CSMD1: variants seen among roughly 807,000 people sequenced by gnomAD.
The protein encoded by CSMD1 is CUB and Sushi multiple domains 1, also known as CUB and sushi domain-containing protein 1.
A neutral mutation model predicts 417.5 loss-of-function variants in CSMD1; 213 were observed. The observed-to-expected ratio is 0.51, with a 90% CI of 0.46 to 0.57. The LOEUF (loss-of-function observed/expected upper bound fraction) is 0.57. CSMD1 is among the 20% of genes least tolerant of loss of function. The pLI, the probability that CSMD1 is intolerant of heterozygous loss-of-function variation, is 0.00. For synonymous variants in CSMD1, 2,862 were observed against 1,736.8 expected (o/e 1.65, Z -16.11); for missense variants, 6,923 against 4,529.7 (o/e 1.53, Z -15.17).
chr8:3,941,961 C>T (rs1320110916), intron 5 of CSMD1, among the ~76,000 whole-genome samples: 1 of 152,034 alleles, frequency 6.6e-6, no homozygotes. Context: ...GTATTTACAG[C>T]CCCTCCCCAT....
rs145084015 is a variant in CSMD1 at position 4,466,977 on chromosome 8, T to C, written c.303-46912A>G. Among the ~76,000 whole-genome samples the C allele has an allele frequency of 1.7e-3, 256 of 152,128 alleles. 1 individual carries two copies. Among genetic ancestry groups the C allele is most frequent in the African/African-American group, 5.8e-3 (241 of 41,520 alleles). On this transcript the variant is annotated intron_variant, in intron 2 of 69. Coordinates refer to ENST00000635120, the MANE Select transcript of CSMD1 (RefSeq NM_033225.6). Reference sequence around the variant, plus strand: ...CTTCCTTCCCTTAGCTGTAAGGAAATGCTCAGCTGTGGGAGCTTTCTCAAC... The same window carrying C: ...CTTCCTTCCCTTAGCTGTAAGGAAACGCTCAGCTGTGGGAGCTTTCTCAAC...
chr8:3,745,059 T>C (rs944593195), intron 6 of CSMD1, among the ~76,000 whole-genome samples: 1 of 152,200 alleles, frequency 6.6e-6, no homozygotes, highest in Non-Finnish European at 1.5e-5. Context: ...TAATTCAACA[T>C]GTTAACAACC....
chr8:3,491,768 G>A (rs951382899), intron 11 of CSMD1, among the ~76,000 whole-genome samples: 1 of 152,220 alleles, frequency 6.6e-6, no homozygotes, highest in African/African-American at 2.4e-5. Context: ...CTTTTTACTA[G>A]CATGGAAATA....
intron 2 of CSMD1, among the ~76,000 whole-genome samples, chr8:4,595,650 C>T (rs1430102872): frequency 1.3e-5 from 2 of 152,094 alleles, no homozygotes; most frequent in African/African-American, 4.8e-5. Flanking sequence ...GTCTGTAGTC[C>T]CAGCTACTGG....
intron 5 of CSMD1, among the ~76,000 whole-genome samples, chr8:3,851,006 C>T (rs1803868517): frequency 6.6e-6 from 1 of 152,092 alleles, no homozygotes; most frequent in African/African-American, 2.4e-5. Context: ...AGATAAATAT[C>T]TATGTGTTTT....
At chr8:3,206,488 G>C (rs1797283161) in intron 30 of CSMD1, among the ~76,000 whole-genome samples, 1 of 126,610 alleles carries the variant, frequency 7.9e-6, no homozygotes, top group Non-Finnish European at 1.7e-5. Context: ...GCGTGTATGT[G>C]TGTGTGGGTG....
intron 22 of CSMD1, among the ~76,000 whole-genome samples, chr8:3,347,718 G>A (rs907769034): frequency 1.3e-5 from 2 of 152,172 alleles, no homozygotes; most frequent in African/African-American, 4.8e-5. Flanking sequence ...TAAGGAAGCT[G>A]AAGATCAAAA....
chr8:3,115,297 G>A (rs184502640), intron 42 of CSMD1, among the ~76,000 whole-genome samples: 13 of 145,882 alleles, frequency 8.9e-5, no homozygotes, highest in East Asian at 4.0e-4. Flanking sequence ...CGCCTTCTGC[G>A]TTCAAGTGAT....
chr8:4,053,531 T>C (rs912057452), intron 3 of CSMD1, among the ~76,000 whole-genome samples: 18 of 152,246 alleles, frequency 1.2e-4, no homozygotes, highest in African/African-American at 4.3e-4. Flanking sequence ...ACACTTTTGT[T>C]ATCTCAAGTG....
chr8:3,357,047 G>A (rs1440698556), intron 21 of CSMD1, among the ~76,000 whole-genome samples: 2 of 152,160 alleles, frequency 1.3e-5, no homozygotes, highest in East Asian at 1.9e-4. Flanking sequence ...GTGAGGTGGG[G>A]CTAGGAGGGT....
intron 9 of CSMD1, among the ~76,000 whole-genome samples, chr8:3,581,820 T>C (rs116365870): frequency 2.0e-5 from 3 of 152,148 alleles, no homozygotes; most frequent in Admixed American, 1.3e-4. Context: ...TTTTTAGTTT[T>C]TGAGATGAAG....
chr8:4,683,158 A>C (rs891049244), intron 1 of CSMD1, among the ~76,000 whole-genome samples: 1 of 151,778 alleles, frequency 6.6e-6, no homozygotes, highest in African/African-American at 2.4e-5. Context: ...TGATCTGTTA[A>C]TGTTTTTACA....
At chr8:3,731,020 G>C (rs983342990) in intron 6 of CSMD1, among the ~76,000 whole-genome samples, 9 of 151,988 alleles carry the variant, frequency 5.9e-5, no homozygotes, top group Non-Finnish European at 1.3e-4. Flanking sequence ...TGAACCTACA[G>C]ATACCCATCA....
At chr8:4,273,273 CAAAT>C (rs1804715919) in intron 3 of CSMD1, among the ~76,000 whole-genome samples, 1 of 152,076 alleles carries the variant, frequency 6.6e-6, no homozygotes, top group Admixed American at 6.6e-5. Flanking sequence ...TATTAGTTCA[CAAAT>C]GAATGTGAGT....
chr8:3,809,064 G>A (rs1424206541), intron 5 of CSMD1, among the ~76,000 whole-genome samples: 1 of 152,106 alleles, frequency 6.6e-6, no homozygotes, highest in Admixed American at 6.5e-5. Context: ...CAGCCCCTGG[G>A]GAATCACGCA....
At chr8:4,459,164 G>A (rs944110260) in intron 2 of CSMD1, among the ~76,000 whole-genome samples, 10 of 152,200 alleles carry the variant, frequency 6.6e-5, no homozygotes, top group Non-Finnish European at 1.5e-5. Context: ...ATAGGCAAAG[G>A]ATAAACTGCA....
intron 23 of CSMD1, among the ~76,000 whole-genome samples, chr8:3,319,644 T>C (rs532150723): frequency 3.3e-5 from 5 of 152,192 alleles, no homozygotes; most frequent in African/African-American, 4.8e-5. Context: ...ATTATATGAT[T>C]ATTTTTAAAG....
At chr8:4,666,298 G>A (rs1337604398) in intron 1 of CSMD1, among the ~76,000 whole-genome samples, 1 of 152,180 alleles carries the variant, frequency 6.6e-6, no homozygotes, top group Non-Finnish European at 1.5e-5. Flanking sequence ...ATAGAAAGAT[G>A]ATTTTGGAAT....
intron 3 of CSMD1, among the ~76,000 whole-genome samples, chr8:4,114,664 T>C (rs531873195): frequency 4.0e-4 from 61 of 152,326 alleles, no homozygotes; most frequent in African/African-American, 1.3e-3. Flanking sequence ...TAGATGCCAT[T>C]AAGAAAAATT....
Sources: allele counts gnomAD v4.1 joint callset (sites outside exome capture counted in the v4.1 genomes callset), GRCh38; gene constraint gnomAD v4.1.1; transcripts MANE v1.5; gene names NCBI Gene and HGNC (gene_info 2026-07-23, HGNC 2026-07-21).